MOSPD1: variants seen among roughly 807,000 people sequenced by gnomAD.
The protein encoded by MOSPD1 is motile sperm domain containing 1, also known as motile sperm domain-containing protein 1.
Under a neutral mutation model 16.7 loss-of-function variants are expected in MOSPD1, and 5 were observed. The observed-to-expected ratio is 0.30, with a 90% CI of 0.16 to 0.63. MOSPD1 has a LOEUF of 0.63. MOSPD1 is among the 30% of genes least tolerant of loss of function. The pLI, the probability that MOSPD1 is intolerant of heterozygous loss-of-function variation, is 0.82. For synonymous variants in MOSPD1, 67 were observed against 59.2 expected (o/e 1.13, Z -0.61); for missense variants, 104 against 153.6 (o/e 0.68, Z 1.71).
At chrX:134,908,848 T>C (rs2082956280) in intron 1 of MOSPD1, among the ~76,000 whole-genome samples, 1 of 112,275 alleles carries the variant, frequency 8.9e-6, no homozygotes, top group African/African-American at 3.2e-5. Context: ...AATGAAAAGA[T>C]AAGACTTTGA....
Position 134,888,938 on chromosome X carries a change from A to G in MOSPD1, c.*223T>C, listed in dbSNP as rs2082847903. On this transcript the variant is annotated 3_prime_UTR_variant, in exon 6 of 6. Transcript: ENST00000370783. ...ATAGATATAAAAAGAATTTCTTCAA[A>G]TAATTTCCTAGGTGTCACTCAGAAG... 4.5e-6 allele frequency: 1 copy of G among 220,912 alleles called. No homozygotes were observed. The allele number at this position is 220,912 out of a possible 1,213,427, so 18.2% of individuals were successfully genotyped here.
chrX:134,891,780 A>C (rs751725599), intron 4 of MOSPD1, 140 bp from the exon 5 acceptor site: 14 of 591,272 alleles, frequency 2.4e-5, no homozygotes, highest in Non-Finnish European at 3.1e-5. Flanking sequence ...TTTCCATCTG[A>C]GAGTTAACTG....
At chrX:134,893,665 A>G (rs1372846327) in intron 4 of MOSPD1, among the ~76,000 whole-genome samples, 2 of 111,468 alleles carry the variant, frequency 1.8e-5, no homozygotes, top group Admixed American at 1.9e-4. Flanking sequence ...TTTTACATAA[A>G]TAAGGCCATA....
Position 134,915,230 on chromosome X carries a change from T to C in MOSPD1, c.-150A>G, listed in dbSNP as rs2082992160. The C allele has an allele frequency of 9.0e-6, 1 of 111,731 alleles. No individual in the cohort carries two copies. Among genetic ancestry groups the C allele is most frequent in the East Asian group, 2.8e-4 (1 of 3,512 alleles). 9.2% of individuals were successfully genotyped at this position (111,731 alleles called of 1,213,427 possible). ...AAAGCAGCTGCGACTGCTCCTCCGC[T>C]CCTTTGTCAGCGTCTCTAGGCTGCA... is the stretch of plus-strand genomic sequence containing the variant. On this transcript the variant is annotated 5_prime_UTR_variant, in exon 1 of 6. Transcript: ENST00000370783.
intron 1 of MOSPD1, among the ~76,000 whole-genome samples, chrX:134,901,114 T>C (rs926100587): frequency 9.3e-6 from 1 of 106,973 alleles, no homozygotes; most frequent in African/African-American, 3.3e-5. Flanking sequence ...TATAGTCATG[T>C]ATGCAAATAT....
intron 1 of MOSPD1, among the ~76,000 whole-genome samples, chrX:134,900,578 C>T (rs1487661823): frequency 8.9e-6 from 1 of 112,072 alleles, no homozygotes; most frequent in Non-Finnish European, 1.9e-5. Flanking sequence ...TATTCTCCAA[C>T]TTCAGAGGCT....
At chrX:134,914,925 A>G (rs1670383872) in intron 1 of MOSPD1, among the ~76,000 whole-genome samples, 1 of 112,039 alleles carries the variant, frequency 8.9e-6, no homozygotes, top group African/African-American at 3.2e-5. Flanking sequence ...GCTACACACC[A>G]GCTGGCCAGA....
At chrX:134,910,693 T>C (rs926221990) in intron 1 of MOSPD1, among the ~76,000 whole-genome samples, 1 of 111,951 alleles carries the variant, frequency 8.9e-6, no homozygotes, top group Non-Finnish European at 1.9e-5. Flanking sequence ...GAAGAATGTG[T>C]GTAGAAGCAT....
chrX:134,891,406 T>A (rs879232912), intron 5 of MOSPD1, 73 bp downstream of exon 5: 2 of 952,235 alleles, frequency 2.1e-6, no homozygotes, highest in East Asian at 3.3e-5. Flanking sequence ...AAAAAAAAAA[T>A]CAAACCACCA....
intron 1 of MOSPD1, among the ~76,000 whole-genome samples, chrX:134,902,924 G>T (rs1468575118): frequency 9.5e-6 from 1 of 105,587 alleles, no homozygotes; most frequent in African/African-American, 3.4e-5. Flanking sequence ...TTCTAATTTT[G>T]CATTTTTATT....
intron 4 of MOSPD1, among the ~76,000 whole-genome samples, chrX:134,893,366 C>T (rs777314029): frequency 1.3e-5 from 1 of 75,383 alleles, no homozygotes; most frequent in East Asian, 4.1e-4. Context: ...CCATTCACTG[C>T]AAACCCACAA....
At chrX:134,910,069 T>C (rs1345634876) in intron 1 of MOSPD1, among the ~76,000 whole-genome samples, 1 of 111,637 alleles carries the variant, frequency 9.0e-6, no homozygotes, top group Admixed American at 9.6e-5. Flanking sequence ...TATATGATTA[T>C]ATATATATGT....
Position 134,891,679 on chromosome X carries a change from A to G in MOSPD1, c.449-39T>C, listed in dbSNP as rs776450896. On this transcript the variant is annotated intron_variant, in intron 4 of 5. Coordinates refer to ENST00000370783, the MANE Select transcript of MOSPD1 (RefSeq NM_019556.3). ...AAAATCCCTAAGCTTCCTTCTAAAAACTTTAAGACAAAAGTTCCTTCACAA... is the reference window on the plus strand; with the variant it reads ...AAAATCCCTAAGCTTCCTTCTAAAAGCTTTAAGACAAAAGTTCCTTCACAA... 5.1e-6 allele frequency: 6 copies of G among 1,178,494 alleles called. No homozygotes were observed. The Admixed American group carries it at 1.4e-4, about 28-fold the overall frequency.
chrX:134,895,501 A>G (rs2082881422), intron 4 of MOSPD1, among the ~76,000 whole-genome samples: 1 of 111,604 alleles, frequency 9.0e-6, no homozygotes, highest in Non-Finnish European at 1.9e-5. Context: ...TATTAAACCA[A>G]TCTGTTAAAT....
Position 134,887,926 on chromosome X carries a change from G to A in MOSPD1, c.*1235C>T, listed in dbSNP as rs2082842505. The A allele has an allele frequency of 8.9e-6, 1 of 112,787 alleles. No homozygotes were observed. 9.3% of individuals were successfully genotyped at this position (112,787 alleles called of 1,213,427 possible). A position where few individuals can be genotyped will look rare whatever the true frequency, so the allele number is the denominator to read the frequency against. On this transcript the variant is annotated 3_prime_UTR_variant, in exon 6 of 6. Coordinates refer to ENST00000370783, the MANE Select transcript of MOSPD1 (RefSeq NM_019556.3). The stretch of plus-strand genomic sequence containing the variant: ...ATAGAAGTTTTTAGAAGCAGAGACT[G>A]TTTTCTGCAAAAACCAACCTCAGGC...
chrX:134,889,300 G>A, intron 5 of MOSPD1, 108 bp from the exon 6 acceptor site: 3 of 523,003 alleles, frequency 5.7e-6, no homozygotes, highest in Non-Finnish European at 8.7e-6. Flanking sequence ...TAGCACATAG[G>A]CAGGCACTCT....
chrX:134,913,721 A>G (rs1202428978), intron 1 of MOSPD1, among the ~76,000 whole-genome samples: 3 of 112,135 alleles, frequency 2.7e-5, no homozygotes, highest in African/African-American at 9.7e-5. Context: ...TTATTAATAC[A>G]TGTATGGAGA....
At chrX:134,904,381 T>A (rs1379409463) in intron 1 of MOSPD1, among the ~76,000 whole-genome samples, 1 of 112,299 alleles carries the variant, frequency 8.9e-6, no homozygotes, top group African/African-American at 3.2e-5. Context: ...TAAATGCACA[T>A]AGCCTCAGTT....
At chrX:134,897,866 G>A (rs1004623173) in intron 3 of MOSPD1, among the ~76,000 whole-genome samples, 2 of 111,222 alleles carry the variant, frequency 1.8e-5, no homozygotes, top group Non-Finnish European at 3.8e-5. Flanking sequence ...ATACAGCACT[G>A]TAATTTTATT....
Sources: gnomAD v4.1 joint callset for allele counts (sites outside exome capture counted in the v4.1 genomes callset) on GRCh38, gnomAD v4.1.1 for gene constraint, MANE v1.5 for transcripts, NCBI Gene and HGNC (gene_info 2026-07-23, HGNC 2026-07-21) for gene names.